ITGA1: variants seen among roughly 807,000 people sequenced by gnomAD.
ITGA1 encodes integrin alpha-1.
In ITGA1, 85 loss-of-function variants were observed where a neutral mutation model predicts 145.9. The observed-to-expected ratio is 0.58, with a 90% confidence interval of 0.49 to 0.70. The LOEUF (loss-of-function observed/expected upper bound fraction) is 0.70, where lower values mean the gene tolerates loss of function less well. Among genes scored for constraint, ITGA1 ranks in the 30% least tolerant of loss-of-function variants. ITGA1 has a pLI of 0.00. For synonymous variants in ITGA1, 520 were observed against 495.3 expected (o/e 1.05, Z -0.66); for missense variants, 1,351 against 1,418.7 (o/e 0.95, Z 0.77).
At chr5:52,820,674 A>C (rs902731640) in intron 1 of ITGA1, among the ~76,000 whole-genome samples, 21 of 152,120 alleles carry the variant, frequency 1.4e-4, no homozygotes, top group Non-Finnish European at 2.4e-4. Context: ...GGACATACAG[A>C]CAAGCACATA....
intron 1 of ITGA1, among the ~76,000 whole-genome samples, chr5:52,789,655 G>A (rs1748201221): frequency 6.6e-6 from 1 of 152,130 alleles, no homozygotes; most frequent in Non-Finnish European, 1.5e-5. Flanking sequence ...GCCGGTGAGT[G>A]GTTTAACTTA....
chr5:52,889,985 C>T (rs1750118770), intron 8 of ITGA1: 1 of 151,682 alleles, frequency 6.6e-6, no homozygotes, highest in Non-Finnish European at 1.5e-5. Context: ...TTAATCCGAT[C>T]CTTGCTTCGT....
intron 1 of ITGA1, among the ~76,000 whole-genome samples, chr5:52,848,856 C>A (rs1009785116): frequency 2.0e-5 from 3 of 151,752 alleles, no homozygotes; most frequent in African/African-American, 7.3e-5. Flanking sequence ...AGATAGTTTG[C>A]TGAGAACGAT....
intron 6 of ITGA1, among the ~76,000 whole-genome samples, chr5:52,870,267 A>G (rs1158154): frequency 0.85 from 128,700 of 152,270 alleles, 54,465 homozygotes; most frequent in South Asian, 0.9. Flanking sequence ...GGCAGAATTA[A>G]CTTCTGGAAT....
intron 1 of ITGA1, among the ~76,000 whole-genome samples, chr5:52,839,024 G>A (rs534476147): frequency 2.6e-5 from 4 of 152,252 alleles, no homozygotes; most frequent in Admixed American, 1.3e-4. Context: ...TTGAGCTGGC[G>A]AGGCCGAGGC....
chr5:52,797,867 A>G (rs2111654756), intron 1 of ITGA1, among the ~76,000 whole-genome samples: 1 of 152,328 alleles, frequency 6.6e-6, no homozygotes, highest in Non-Finnish European at 1.5e-5. Context: ...TCAATACGTG[A>G]TAGCTCTTCA....
At chr5:52,871,951 T>A (rs1419592649) in intron 6 of ITGA1, among the ~76,000 whole-genome samples, 2 of 152,202 alleles carry the variant, frequency 1.3e-5, no homozygotes, top group East Asian at 3.8e-4. Context: ...TGATCCTCAA[T>A]ACCTAAACAT....
chr5:52,828,515 TTGTTGAGTTGCTTCTTA>T (rs1451044700), intron 1 of ITGA1, among the ~76,000 whole-genome samples: 14 of 152,296 alleles, frequency 9.2e-5, no homozygotes, highest in African/African-American at 3.4e-4. Flanking sequence ...TGCCTTTTTG[TTGTTGAGTTGCTTCTTA>T]TTTTAAAAGA....
intron 3 of ITGA1, among the ~76,000 whole-genome samples, chr5:52,863,409 T>C (rs1054230851): frequency 5.3e-5 from 8 of 152,044 alleles, no homozygotes; most frequent in Non-Finnish European, 8.8e-5. Flanking sequence ...TCTCTTTTTA[T>C]TCAGTACAGT....
In ITGA1 at chr5:52,863,155, A is replaced by G. The variant is rs935300693; in HGVS notation, c.295+1596A>G. On this transcript the variant is annotated intron_variant, in intron 3 of 28. Transcript: ENST00000282588. The stretch of plus-strand genomic sequence containing the variant: ...AACTTTTTTTATTAGCAGGAAATTT[A>G]CTTGGCTCAACTCAATTTCCAAGCA... Among the ~76,000 whole-genome samples, 3 of 152,232 alleles carry G rather than the reference A, an allele frequency of 2.0e-5. No individual in the cohort carries two copies. The East Asian group carries it at 5.8e-4, about 29-fold the overall frequency.
intron 28 of ITGA1, among the ~76,000 whole-genome samples, chr5:52,950,204 A>C (rs1022122973): frequency 6.6e-6 from 1 of 152,282 alleles, no homozygotes; most frequent in Non-Finnish European, 1.5e-5. Flanking sequence ...AGATGCCAGC[A>C]CACCAGGAGC....
intron 17 of ITGA1, among the ~76,000 whole-genome samples, chr5:52,921,362 G>T (rs1378515202): frequency 6.6e-6 from 1 of 152,080 alleles, no homozygotes; most frequent in Non-Finnish European, 1.5e-5. Flanking sequence ...AGGGGCAGGG[G>T]AGTGACAGAA....
intron 1 of ITGA1, among the ~76,000 whole-genome samples, chr5:52,806,431 A>C (rs1748589000): frequency 6.6e-6 from 1 of 152,048 alleles, no homozygotes; most frequent in Admixed American, 6.6e-5. Context: ...AGTAAACTTC[A>C]CGTAGAAATA....
chr5:52,843,547 A>G (rs1749288316), intron 1 of ITGA1, among the ~76,000 whole-genome samples: 1 of 152,148 alleles, frequency 6.6e-6, no homozygotes, highest in African/African-American at 2.4e-5. Context: ...CTTGGAACTC[A>G]AGGATGCGTA....
intron 1 of ITGA1, among the ~76,000 whole-genome samples, chr5:52,792,861 AT>A (rs1457350151): frequency 6.6e-6 from 1 of 152,192 alleles, no homozygotes; most frequent in Non-Finnish European, 1.5e-5. Flanking sequence ...TAGATTGCCT[AT>A]TCAGAGCAGT....
chr5:52,862,040 A>G (rs1749613926), intron 3 of ITGA1, among the ~76,000 whole-genome samples: 2 of 151,836 alleles, frequency 1.3e-5, no homozygotes, highest in African/African-American at 2.4e-5. Flanking sequence ...CAACATGGAG[A>G]AACCCTGCCT....
At chr5:52,924,486 G>A (rs1162947429) in intron 18 of ITGA1, among the ~76,000 whole-genome samples, 1 of 152,246 alleles carries the variant, frequency 6.6e-6, no homozygotes, top group South Asian at 2.1e-4. Flanking sequence ...AGGAGGTGAC[G>A]TGAGGTGAGG....
chr5:52,926,085 A>C (rs535285805), intron 19 of ITGA1, among the ~76,000 whole-genome samples: 7 of 152,072 alleles, frequency 4.6e-5, no homozygotes, highest in Non-Finnish European at 1.0e-4. Context: ...ACTGAGTTAA[A>C]ATTTTGTGTA....
At position 52,905,791 on chromosome 5, in the gene ITGA1, T is replaced by G. The variant is rs749551856; in HGVS notation, c.1338T>G (p.Ser446=). ...ACACTGTAAACTCTGCTACTGCTTC[T>G]TCTGGAGATGTGCTCTATATTGCTG... ...LGYTVNSATA[S]SGDVLYIAGQ... is the part of the protein sequence containing the mutation. The change falls in exon 12 of 29, where the codon TCT becomes TCG. Residue 446 remains serine, a synonymous_variant. Coordinates refer to ENST00000282588, the MANE Select transcript of ITGA1 (RefSeq NM_181501.2). The G allele has an allele frequency of 1.9e-6, 3 of 1,613,612 alleles. No homozygotes were observed. The highest frequency in any genetic ancestry group is 2.5e-6 in the Non-Finnish European group (3 of 1,179,692).
Sources: allele counts gnomAD v4.1 joint callset (sites outside exome capture counted in the v4.1 genomes callset), GRCh38; gene constraint gnomAD v4.1.1; transcripts MANE v1.5; gene names NCBI Gene and HGNC (gene_info 2026-07-23, HGNC 2026-07-21).